LTBP1: variants seen among roughly 807,000 people sequenced by gnomAD.
LTBP1 encodes latent transforming growth factor beta binding protein 1, also known as latent-transforming growth factor beta-binding protein 1.
LTBP1 carries 129 observed loss-of-function variants against 207.6 expected under a neutral mutation model. The ratio of observed to expected loss-of-function variants is 0.62; its 90% CI spans 0.54 to 0.72. The LOEUF (loss-of-function observed/expected upper bound fraction) is 0.72. Ranked by LOEUF, LTBP1 falls within the 30% of genes least tolerant of loss-of-function variation. The pLI, the probability that LTBP1 is intolerant of heterozygous loss-of-function variation, is 0.00. For missense variants in LTBP1, 2,281 were observed against 2,217.2 expected (o/e 1.03, Z -0.58); for synonymous variants, 963 against 833.7 (o/e 1.16, Z -2.67).
intron 2 of LTBP1, among the ~76,000 whole-genome samples, chr2:32,978,846 T>A (rs965803599): frequency 2.6e-5 from 4 of 152,010 alleles, no homozygotes; most frequent in Admixed American, 6.5e-5. Context: ...CCTGGGCTTT[T>A]CCTTCCTGGG....
rs772664673 is a variant in LTBP1, at chr2:33,293,142, T to C, written c.3113-18T>C. 48 of 1,603,070 alleles carry C rather than the reference T, an allele frequency of 3.0e-5. No individual in the cohort carries two copies. The highest frequency in any genetic ancestry group is 4.0e-5 in the Non-Finnish European group (47 of 1,177,318). On this transcript the variant is annotated intron_variant, in intron 19 of 33. Transcript: ENST00000404816. ...TTTCTTCTTTTTTTGTTCTTTCCAT[T>C]ACGCAACATTCTTCAAGATGTGGAC...
At chr2:33,383,871 CTT>C (rs2095243031) in intron 31 of LTBP1, among the ~76,000 whole-genome samples, 1 of 152,196 alleles carries the variant, frequency 6.6e-6, no homozygotes, top group South Asian at 2.1e-4. Context: ...AAAATTGGTC[CTT>C]GTTTCTCTTA....
intron 2 of LTBP1, among the ~76,000 whole-genome samples, chr2:32,957,151 G>A (rs1678215669): frequency 1.3e-5 from 2 of 152,204 alleles, no homozygotes; most frequent in South Asian, 2.1e-4. Flanking sequence ...TCAACTTAAA[G>A]TCACCAGCTG....
At chr2:33,394,945 T>G (rs1473479969) in intron 32 of LTBP1, among the ~76,000 whole-genome samples, 1 of 152,160 alleles carries the variant, frequency 6.6e-6, no homozygotes, top group Non-Finnish European at 1.5e-5. Flanking sequence ...CTGCGTTAGT[T>G]TGCTAAGGAT....
intron 3 of LTBP1, among the ~76,000 whole-genome samples, chr2:33,034,843 G>T (rs1036043794): frequency 6.6e-6 from 1 of 152,044 alleles, no homozygotes; most frequent in African/African-American, 2.4e-5. Context: ...TCAATTAGTA[G>T]AAGGGTTTAA....
At chr2:33,239,961 A>G (rs536684825) in intron 9 of LTBP1, among the ~76,000 whole-genome samples, 3 of 152,034 alleles carry the variant, frequency 2.0e-5, no homozygotes, top group East Asian at 3.9e-4. Flanking sequence ...CTGAAACACT[A>G]TATTGTTATT....
intron 18 of LTBP1, among the ~76,000 whole-genome samples, chr2:33,279,413 G>T (rs780787653): frequency 6.6e-6 from 1 of 152,048 alleles, no homozygotes; most frequent in Admixed American, 6.6e-5. Flanking sequence ...AATATGAAAA[G>T]TAAGGTGTAT....
intron 18 of LTBP1, among the ~76,000 whole-genome samples, chr2:33,277,779 TTCTTTCTTTCTTTCTTTC>T (rs2093466234): frequency 1.9e-5 from 2 of 106,152 alleles, no homozygotes; most frequent in Non-Finnish European, 3.8e-5. Flanking sequence ...CTTTCTTTCT[TTCTTTCTTTCTTTCTTTC>T]TCTCTCTCTT....
chr2:33,340,257 CAAAAAAAAAAA>C (rs1198759101), intron 24 of LTBP1, among the ~76,000 whole-genome samples: 1 of 89,916 alleles, frequency 1.1e-5, no homozygotes, highest in Non-Finnish European at 2.2e-5. Context: ...GACTCTGTCT[CAAAAAAAAAAA>C]AAAAAAAAAA....
intron 3 of LTBP1, among the ~76,000 whole-genome samples, chr2:33,052,577 T>C (rs192719661): frequency 4.6e-5 from 7 of 152,330 alleles, no homozygotes; most frequent in Admixed American, 2.0e-4. Context: ...AATAAACTTA[T>C]TGTCTAAAAG....
intron 2 of LTBP1, among the ~76,000 whole-genome samples, chr2:32,985,797 G>A (rs1481328164): frequency 6.6e-6 from 1 of 152,128 alleles, no homozygotes; most frequent in Admixed American, 6.5e-5. Context: ...TAACCCTCCA[G>A]GAAGCTTCTT....
intron 24 of LTBP1, among the ~76,000 whole-genome samples, chr2:33,340,108 A>G (rs1402204696): frequency 2.0e-5 from 3 of 152,014 alleles, no homozygotes; most frequent in African/African-American, 7.2e-5. Flanking sequence ...ATACAAAAAA[A>G]TTAGCCAGGC....
At chr2:33,310,847 ATTTTCCATGGAAAATT>A in intron 23 of LTBP1, among the ~76,000 whole-genome samples, 1 of 152,154 alleles carries the variant, frequency 6.6e-6, no homozygotes, top group East Asian at 1.9e-4. Context: ...CCATGTTTAT[ATTTTCCATGGAAAATT>A]CACACTTATT....
intron 2 of LTBP1, among the ~76,000 whole-genome samples, chr2:32,986,988 G>T (rs2148805406): frequency 6.6e-6 from 1 of 152,304 alleles, no homozygotes; most frequent in Non-Finnish European, 1.5e-5. Flanking sequence ...CTAGGGTTGT[G>T]GCGATGGGGG....
intron 5 of LTBP1, among the ~76,000 whole-genome samples, chr2:33,165,337 AAGAG>A (rs1207649361): frequency 2.0e-5 from 3 of 152,350 alleles, no homozygotes; most frequent in Admixed American, 2.0e-4. Flanking sequence ...CGAGACGCTG[AAGAG>A]AGAGAAGCAG....
At position 33,378,181 on chromosome 2, in the gene LTBP1, ATATATG is replaced by A. The variant is rs772940327; in HGVS notation, c.4712-11001_4712-10996del. Among the ~76,000 whole-genome samples, 304 of 115,978 alleles carry A rather than the reference ATATATG, an allele frequency of 2.6e-3. 1 individual carries two copies. Among genetic ancestry groups the A allele is most frequent in the Middle Eastern group, 8.6e-3 (2 of 232 alleles). 76.1% of individuals were successfully genotyped at this position (115,978 alleles called of 152,430 possible). A position where few individuals can be genotyped will look rare whatever the true frequency, so the allele number is the denominator to read the frequency against. ...GTGAACATTTTACTTTCATATATAT[ATATATG>A]TGTGTGTGTGTGTGTGTGTGTGTGT... On this transcript the variant is annotated intron_variant, in intron 31 of 33. Transcript: ENST00000404816.
intron 5 of LTBP1, among the ~76,000 whole-genome samples, chr2:33,140,051 A>C (rs1163426784): frequency 6.6e-6 from 1 of 152,218 alleles, no homozygotes; most frequent in Non-Finnish European, 1.5e-5. Flanking sequence ...AGGCTAAATA[A>C]GTTTCTGAAT....
chr2:33,025,174 G>A (rs935814607), intron 3 of LTBP1, among the ~76,000 whole-genome samples: 6 of 152,186 alleles, frequency 3.9e-5, no homozygotes, highest in South Asian at 2.1e-4. Flanking sequence ...ACACCCTCAC[G>A]CTTACCTTAT....
chr2:33,296,216 A>T (rs966092605), intron 20 of LTBP1, among the ~76,000 whole-genome samples: 1 of 151,954 alleles, frequency 6.6e-6, no homozygotes, highest in African/African-American at 2.4e-5. Flanking sequence ...ATCTTCTTTC[A>T]TCCTAATCTG....
Sources: allele counts gnomAD v4.1 joint callset (sites outside exome capture counted in the v4.1 genomes callset), GRCh38; gene constraint gnomAD v4.1.1; transcripts MANE v1.5; gene names NCBI Gene and HGNC (gene_info 2026-07-23, HGNC 2026-07-21).